Variants in MFHAS1 observed in about 807,000 individuals in gnomAD.
The protein encoded by MFHAS1 is multifunctional ROCO family signaling regulator 1, also known as malignant fibrous histiocytoma-amplified sequence 1.
Under a neutral mutation model 70.4 loss-of-function variants are expected in MFHAS1, and 50 were observed. The observed-to-expected ratio is 0.71, with a 90% CI of 0.57 to 0.90. The LOEUF is 0.90. Among genes scored for constraint, MFHAS1 ranks in the 40% least tolerant of loss-of-function variants. The probability of loss-of-function intolerance (pLI) is 0.00; values close to 1 mark genes in which losing one functional copy is unlikely to be tolerated. For missense variants in MFHAS1, 1,795 were observed against 1,347.6 expected (o/e 1.33, Z -5.20); for synonymous variants, 952 against 620.0 (o/e 1.54, Z -7.96).
chr8:8,791,828 C>T (rs1805728685), intron 2 of MFHAS1, among the ~76,000 whole-genome samples: 1 of 152,176 alleles, frequency 6.6e-6, no homozygotes, highest in Non-Finnish European at 1.5e-5. Flanking sequence ...GCTCTCCAAG[C>T]AGCTCCAGCT....
chr8:8,821,674 C>G (rs776858330), intron 1 of MFHAS1: 1 of 152,242 alleles, frequency 6.6e-6, no homozygotes, highest in African/African-American at 2.4e-5. Flanking sequence ...AAATCCTCCT[C>G]TGCCTCCAAG....
At chr8:8,821,331 TCC>T (rs937934105) in intron 1 of MFHAS1, among the ~76,000 whole-genome samples, 100 of 152,326 alleles carry the variant, frequency 6.6e-4, no homozygotes, top group African/African-American at 2.3e-3. Context: ...TAAGCCTATT[TCC>T]ACCCTGCATT....
At position 8,832,103 on chromosome 8, in the gene MFHAS1, T is replaced by C. The variant is rs996848554; in HGVS notation, c.2999-34612A>G. 3.8e-5 allele frequency among the ~76,000 whole-genome samples: 5 copies of C among 132,186 alleles called. No homozygotes were observed. In the South Asian group the frequency reaches 1.3e-3, roughly 33 times the overall value. The allele number at this position is 132,186 out of a possible 152,430, so 86.7% of individuals were successfully genotyped here. On this transcript the variant is annotated intron_variant, in intron 1 of 2. Transcript: ENST00000276282. Reference sequence around the variant, plus strand: ...ACACACACACACGCACCAAAGTAACTTGAAATAGATCCTAGACCTAAATGC... The same window carrying C: ...ACACACACACACGCACCAAAGTAACCTGAAATAGATCCTAGACCTAAATGC...
At chr8:8,843,694 G>C (rs1419474106) in intron 1 of MFHAS1, among the ~76,000 whole-genome samples, 2 of 152,180 alleles carry the variant, frequency 1.3e-5, no homozygotes, top group Non-Finnish European at 2.9e-5. Flanking sequence ...TGTGGAAGAA[G>C]CAGGTCAGAA....
rs1225178606 is a variant in MFHAS1, at chr8:8,889,217, AC to A, written c.2998+843del. ...AGAAAGCTTCATTTGCTTAACACTT[AC>A]CAAAAAACAAACCTTAAGACGTCTA... On this transcript the variant is annotated intron_variant, in intron 1 of 2. Coordinates refer to ENST00000276282, the MANE Select transcript of MFHAS1 (RefSeq NM_004225.3). 2.6e-5 allele frequency among the ~76,000 whole-genome samples: 4 copies of A among 152,226 alleles called. No homozygotes were observed. The South Asian group carries it at 8.3e-4, about 32-fold the overall frequency.
intron 1 of MFHAS1, among the ~76,000 whole-genome samples, chr8:8,832,870 G>A (rs1327255340): frequency 6.6e-6 from 1 of 152,006 alleles, no homozygotes; most frequent in Non-Finnish European, 1.5e-5. Context: ...CAAACTATTG[G>A]TCGAATTGTG....
At chr8:8,823,063 C>A (rs117268422) in intron 1 of MFHAS1, among the ~76,000 whole-genome samples, 2,421 of 152,218 alleles carry the variant, frequency 0.016, 82 homozygotes, top group East Asian at 0.15. Context: ...GAATTCTAGT[C>A]CATACAGAGA....
At chr8:8,854,393 C>T (rs751641727) in intron 1 of MFHAS1, among the ~76,000 whole-genome samples, 8 of 152,070 alleles carry the variant, frequency 5.3e-5, no homozygotes, top group African/African-American at 1.2e-4. Context: ...TGGTGGTGGG[C>T]GCCTACAGTC....
At chr8:8,793,224 T>C (rs1211712004) in intron 2 of MFHAS1, among the ~76,000 whole-genome samples, 2 of 151,698 alleles carry the variant, frequency 1.3e-5, no homozygotes, top group Non-Finnish European at 2.9e-5. Context: ...TCTCTCCCCA[T>C]GGGGGAATAA....
intron 1 of MFHAS1, among the ~76,000 whole-genome samples, chr8:8,812,911 C>T (rs892679097): frequency 2.0e-5 from 3 of 152,084 alleles, no homozygotes; most frequent in Non-Finnish European, 4.4e-5. Flanking sequence ...GGGTTACAGG[C>T]GTGCACCACC....
chr8:8,881,500 C>A (rs941104451), intron 1 of MFHAS1, among the ~76,000 whole-genome samples: 1 of 152,180 alleles, frequency 6.6e-6, no homozygotes, highest in African/African-American at 2.4e-5. Context: ...TATTCCACCT[C>A]CACCATCAGA....
intron 1 of MFHAS1, among the ~76,000 whole-genome samples, chr8:8,888,429 G>A (rs58511457): frequency 1.0e-3 from 152 of 152,162 alleles, no homozygotes; most frequent in African/African-American, 3.3e-3. Context: ...GGTGAGAAAC[G>A]TGCAAGGATG....
chr8:8,827,920 G>A (rs1490151612), intron 1 of MFHAS1, among the ~76,000 whole-genome samples: 5 of 151,832 alleles, frequency 3.3e-5, no homozygotes, highest in African/African-American at 1.2e-4. Context: ...TTTTTTAAGA[G>A]ACTTTCTTTG....
At chr8:8,809,735 A>C (rs1407264203) in intron 1 of MFHAS1, among the ~76,000 whole-genome samples, 2 of 152,196 alleles carry the variant, frequency 1.3e-5, no homozygotes, top group African/African-American at 4.8e-5. Context: ...GGAGGAGCAG[A>C]GCACAAACCT....
chr8:8,849,319 G>A lies in MFHAS1; in HGVS notation c.2998+40742C>T, dbSNP rs188789214. Among the ~76,000 whole-genome samples, 561 of 151,918 alleles carry A rather than the reference G, an allele frequency of 3.7e-3. 4 individuals carry two copies. Among genetic ancestry groups the A allele is most frequent in the African/African-American group, 0.013 (543 of 41,272 alleles). On this transcript the variant is annotated intron_variant, in intron 1 of 2. Coordinates refer to ENST00000276282, the MANE Select transcript of MFHAS1 (RefSeq NM_004225.3). ...TGCTCTTGAACTCCTGGCCTCAAGT[G>A]GCCTGCCTGCCTCAGCCTCCTGAAG... is the stretch of plus-strand genomic sequence containing the variant.
At chr8:8,831,851 G>A (rs183668309) in intron 1 of MFHAS1, among the ~76,000 whole-genome samples, 15 of 152,058 alleles carry the variant, frequency 9.9e-5, no homozygotes, top group East Asian at 9.7e-4. Context: ...CACGTGATCC[G>A]TCTGCCTGCC....
At chr8:8,789,601 T>C (rs1805660903) in intron 2 of MFHAS1, among the ~76,000 whole-genome samples, 1 of 152,182 alleles carries the variant, frequency 6.6e-6, no homozygotes, top group African/African-American at 2.4e-5. Context: ...CCATGGCATG[T>C]TGTATTAACC....
intron 1 of MFHAS1, among the ~76,000 whole-genome samples, chr8:8,864,672 C>T (rs1217665063): frequency 6.6e-6 from 1 of 152,200 alleles, no homozygotes; most frequent in African/African-American, 2.4e-5. Flanking sequence ...CCACCAGACA[C>T]TTTTGAAATG....
At chr8:8,795,628 C>T (rs1805865520) in intron 2 of MFHAS1, among the ~76,000 whole-genome samples, 1 of 152,176 alleles carries the variant, frequency 6.6e-6, no homozygotes, top group Non-Finnish European at 1.5e-5. Context: ...TTTGGAGAAA[C>T]GGGGCACTGA....
Sources: gnomAD v4.1 joint callset for allele counts (sites outside exome capture counted in the v4.1 genomes callset) on GRCh38, gnomAD v4.1.1 for gene constraint, MANE v1.5 for transcripts, NCBI Gene and HGNC (gene_info 2026-07-23, HGNC 2026-07-21) for gene names.